The following NCOR2 variants were observed in gnomAD, a reference collection of about 807,000 sequenced individuals.
NCOR2 encodes nuclear receptor corepressor 2.
A neutral mutation model predicts 262.9 loss-of-function variants in NCOR2; 81 were observed. The observed-to-expected ratio is 0.31, with a 90% CI of 0.26 to 0.37. The LOEUF (loss-of-function observed/expected upper bound fraction) is 0.37. Ranked by LOEUF, NCOR2 falls within the 10% of genes least tolerant of loss-of-function variation. The pLI is 1.00. For synonymous variants in NCOR2, 1,659 were observed against 1,559.3 expected (o/e 1.06, Z -1.51); for missense variants, 3,385 against 3,621.4 (o/e 0.93, Z 1.68).
intron 1 of NCOR2, among the ~76,000 whole-genome samples, chr12:124,502,478 G>A (rs1408957242): frequency 2.6e-5 from 4 of 152,134 alleles, no homozygotes; most frequent in Non-Finnish European, 5.9e-5. Context: ...GGCAGTCAGG[G>A]GTGCGTCACC....
chr12:124,340,197 C>CTCTGA lies in NCOR2; in HGVS notation c.5495_5496insTCAGA (p.Glu1832AspfsTer51), dbSNP rs768630807. On this transcript the variant is annotated frameshift_variant, in exon 37 of 47. Coordinates refer to ENST00000405201, the Ensembl canonical transcript of NCOR2. LOFTEE classifies it high-confidence loss of function. ...CCCCGCCGCTGCTGCCGCTGCTCTGCTCTGTACCTGGTGACAGTCAGTGGC... is the reference window on the plus strand; with the variant it reads ...CCCCGCCGCTGCTGCCGCTGCTCTGCTCTGATCTGTACCTGGTGACAGTCAGTGGC... 4.2e-5 allele frequency: 23 copies of CTCTGA among 550,994 alleles called. No homozygotes were observed. In the Admixed American group the frequency reaches 1.1e-3, roughly 27 times the overall value. 34.1% of individuals were successfully genotyped at this position (550,994 alleles called of 1,614,324 possible).
At chr12:124,430,563 G>C in intron 9 of NCOR2, 52 bp downstream of exon 11, 1 of 1,556,618 alleles carries the variant, frequency 6.4e-7, no homozygotes, top group Non-Finnish European at 8.7e-7. Context: ...GAGGATGCTG[G>C]AGCTGACCCC....
At chr12:124,493,089 G>C (rs1225365079) in intron 1 of NCOR2, among the ~76,000 whole-genome samples, 1 of 152,232 alleles carries the variant, frequency 6.6e-6, no homozygotes, top group Non-Finnish European at 1.5e-5. Context: ...GCTTGGCCCT[G>C]TCCACCCACA....
intron 1 of NCOR2, among the ~76,000 whole-genome samples, chr12:124,560,816 T>C (rs966512667): frequency 6.6e-6 from 1 of 152,230 alleles, no homozygotes; most frequent in Non-Finnish European, 1.5e-5. Context: ...CAATGCATTT[T>C]CTTTCATTTA....
chr12:124,499,304 C>T (rs1429522764), upstream of NCOR2, among the ~76,000 whole-genome samples: 12 of 152,342 alleles, frequency 7.9e-5, no homozygotes, highest in East Asian at 1.9e-4. Context: ...CGTCTGGCTG[C>T]GGTGGGGTCA....
exon 46 of NCOR2, chr12:124,326,292 C>A: frequency 6.4e-7 from 1 of 1,566,740 alleles, no homozygotes. Context: ...TGGCCGGTCC[C>A]CAGATGCCAG....
Position 124,378,693 on chromosome 12 carries a change from G to T in NCOR2, c.2020-309C>A, listed in dbSNP as rs866690541. ...TGCCCAGGAGTCTCCTAGTCAGAGC[G>T]AGTGACCACGCCTCCTGGGGACACC... On this transcript the variant is annotated intron_variant, in intron 17 of 46. Coordinates refer to ENST00000405201, the Ensembl canonical transcript of NCOR2. The surrounding 1 kb of genome is among the most constrained non-coding windows in gnomAD (Gnocchi z 4.2). Among the ~76,000 whole-genome samples, 1 of 152,216 alleles carries T rather than the reference G, an allele frequency of 6.6e-6. No individual in the cohort carries two copies. Among genetic ancestry groups the T allele is most frequent in the Non-Finnish European group, 1.5e-5 (1 of 68,032 alleles).
rs958627720 is a variant in NCOR2, at chr12:124,428,086, T to TGTGTGTGTGTGTGTGTGTGTGTGC, written c.1150-1287_1150-1286insGCACACACACACACACACACACAC. 5.5e-3 allele frequency among the ~76,000 whole-genome samples: 814 copies of TGTGTGTGTGTGTGTGTGTGTGTGC among 147,110 alleles called. 19 individuals carry two copies. Among genetic ancestry groups the TGTGTGTGTGTGTGTGTGTGTGTGC allele is most frequent in the Non-Finnish European group, 9.6e-3 (635 of 66,274 alleles). On this transcript the variant is annotated intron_variant, in intron 10 of 46. Coordinates refer to ENST00000405201, the Ensembl canonical transcript of NCOR2. ...GTGTGTGTGTGTGTGTGTGTGTGTG[T>TGTGTGTGTGTGTGTGTGTGTGTGC]GTACATGCAACAATCAGCCCAGGTG...
chr12:124,534,082 G>A (rs766662495), intron 1 of NCOR2, among the ~76,000 whole-genome samples: 10 of 152,036 alleles, frequency 6.6e-5, no homozygotes, highest in Non-Finnish European at 1.5e-4. Context: ...CCACCTGTAC[G>A]GCGTGTGGCT....
chr12:124,519,502 T>C (rs1369745374), intron 1 of NCOR2, among the ~76,000 whole-genome samples: 2 of 152,128 alleles, frequency 1.3e-5, no homozygotes, highest in Non-Finnish European at 2.9e-5. Context: ...GTCTGGAGGC[T>C]GGACCACGCG....
At chr12:124,479,992 T>C (rs1216028180) in intron 3 of NCOR2, among the ~76,000 whole-genome samples, 1 of 152,198 alleles carries the variant, frequency 6.6e-6, no homozygotes, top group Non-Finnish European at 1.5e-5. Context: ...TGGCAGGCAG[T>C]CGGCGCTCAC....
intron 38 of NCOR2, chr12:124,335,858 G>A (rs1593102660): frequency 1.8e-6 from 1 of 555,780 alleles, no homozygotes; most frequent in Non-Finnish European, 3.2e-6. Context: ...GACAGAGACA[G>A]ACAGAGAGGG....
chr12:124,333,895 TGC>T (rs879770164), intron 41 of NCOR2, among the ~76,000 whole-genome samples: 1,599 of 62,296 alleles, frequency 0.026, 51 homozygotes, highest in African/African-American at 0.061. Context: ...CATGTGTGTG[TGC>T]GCGCGCATGT....
chr12:124,424,166 C>T (rs1469748501), intron 11 of NCOR2, among the ~76,000 whole-genome samples: 1 of 152,146 alleles, frequency 6.6e-6, no homozygotes. Context: ...TGAGATCTTC[C>T]GAAAGGCTGA....
intron 10 of NCOR2, chr12:124,429,327 C>A: frequency 4.3e-6 from 2 of 463,288 alleles, no homozygotes; most frequent in Non-Finnish European, 7.8e-6. Flanking sequence ...GGGTCCTCGT[C>A]CCCCAACCCC....
intron 27 of NCOR2, among the ~76,000 whole-genome samples, chr12:124,352,223 G>A (rs905651363): frequency 3.8e-4 from 58 of 152,288 alleles, no homozygotes; most frequent in African/African-American, 1.4e-3. Context: ...CCCCCCAAGA[G>A]GCAGCTAACA....
chr12:124,429,800 C>T lies in NCOR2; in HGVS notation c.1056-94G>A, dbSNP rs536727275. The T allele has an allele frequency of 2.7e-5, 33 of 1,231,430 alleles. No individual in the cohort carries two copies. In the South Asian group the frequency reaches 4.3e-4, roughly 16 times the overall value. The allele number at this position is 1,231,430 out of a possible 1,614,324, so 76.3% of individuals were successfully genotyped here. On this transcript the variant is annotated intron_variant, in intron 9 of 46. Coordinates refer to ENST00000405201, the Ensembl canonical transcript of NCOR2. ...CGCAGCCCTGAGCCCACGCCCTCCC[C>T]AGAGGAGAAGTGTGGGCAGCGGCCA... is the stretch of plus-strand genomic sequence containing the variant.
rs1362176296 is a variant in NCOR2, at chr12:124,332,024, G to A, written c.6904+295C>T. The stretch of plus-strand genomic sequence containing the variant: ...GTGGGAGGCGCCCGGCCCTTGTGTG[G>A]GAGGGATCCAACCCCTGGTCCCAGT... On this transcript the variant is annotated intron_variant, in intron 43 of 46. Transcript: ENST00000405201. 3.5e-5 allele frequency: 14 copies of A among 396,104 alleles called. No individual in the cohort carries two copies. The East Asian group carries it at 6.2e-4, about 18-fold the overall frequency. The allele number at this position is 396,104 out of a possible 1,614,324, so 24.5% of individuals were successfully genotyped here.
At chr12:124,427,611 C>T (rs914728491) in intron 10 of NCOR2, among the ~76,000 whole-genome samples, 3 of 152,202 alleles carry the variant, frequency 2.0e-5, no homozygotes, top group African/African-American at 4.8e-5. Context: ...GGGGTCAGGT[C>T]GGGTGCGGGG....
Sources: gnomAD v4.1 joint callset for allele counts (sites outside exome capture counted in the v4.1 genomes callset) on GRCh38, gnomAD v4.1.1 for gene constraint, Gnocchi (gnomAD v3.1) non-coding constraint, MANE v1.5 for transcripts, NCBI Gene and HGNC (gene_info 2026-07-23, HGNC 2026-07-21) for gene names.